FAM53B: variants seen among roughly 807,000 people sequenced by gnomAD.
FAM53B encodes the protein family with sequence similarity 53 member B, also known as protein FAM53B.
A neutral mutation model predicts 32.7 loss-of-function variants in FAM53B; 12 were observed. The ratio of observed to expected loss-of-function variants is 0.37; its 90% CI spans 0.24 to 0.59. FAM53B has a LOEUF of 0.59. Among genes scored for constraint, FAM53B ranks in the 20% least tolerant of loss-of-function variants. FAM53B has a pLI of 0.72. For synonymous variants in FAM53B, 234 were observed against 228.7 expected (o/e 1.02, Z -0.21); for missense variants, 477 against 577.7 (o/e 0.83, Z 1.79).
chr10:124,710,641 G>A (rs1949995438), intron 1 of FAM53B, among the ~76,000 whole-genome samples: 1 of 152,216 alleles, frequency 6.6e-6, no homozygotes, highest in Non-Finnish European at 1.5e-5. Flanking sequence ...TGGAAGCCTC[G>A]CAAAGCCCTC....
intron 4 of FAM53B, among the ~76,000 whole-genome samples, chr10:124,674,701 T>C (rs139115691): frequency 3.3e-5 from 5 of 152,254 alleles, no homozygotes; most frequent in African/African-American, 1.2e-4. Flanking sequence ...CCCACAAGCC[T>C]TTCTTACTCT....
chr10:124,661,923 G>A (rs1053827470), intron 4 of FAM53B, among the ~76,000 whole-genome samples: 3 of 152,220 alleles, frequency 2.0e-5, no homozygotes, highest in Admixed American at 6.5e-5. Flanking sequence ...TGAGATCCCT[G>A]CTGCCATCCC....
chr10:124,631,020 G>GC (rs1949387386), intron 4 of FAM53B, among the ~76,000 whole-genome samples: 1 of 152,216 alleles, frequency 6.6e-6, no homozygotes, highest in African/African-American at 2.4e-5. Context: ...CCCAGGTGGT[G>GC]CCAGAGCCAG....
At chr10:124,648,619 T>C (rs970111416) in intron 4 of FAM53B, among the ~76,000 whole-genome samples, 14 of 152,270 alleles carry the variant, frequency 9.2e-5, no homozygotes, top group Non-Finnish European at 1.8e-4. Context: ...CCCTCCACCA[T>C]GCCCTCACAA....
chr10:124,697,280 G>C (rs535063698), intron 2 of FAM53B, among the ~76,000 whole-genome samples: 1 of 152,156 alleles, frequency 6.6e-6, no homozygotes, highest in Non-Finnish European at 1.5e-5. Context: ...GCCTGTCACA[G>C]AAGGCTCTGA....
At chr10:124,709,255 G>A (rs961790551) in intron 1 of FAM53B, among the ~76,000 whole-genome samples, 43 of 152,356 alleles carry the variant, frequency 2.8e-4, no homozygotes, top group African/African-American at 1.0e-3. Context: ...CCAGTAGAAT[G>A]AAACTGTGGA....
chr10:124,727,634 C>A (rs990831928), intron 1 of FAM53B, among the ~76,000 whole-genome samples: 1 of 152,028 alleles, frequency 6.6e-6, no homozygotes, highest in Non-Finnish European at 1.5e-5. Flanking sequence ...ACCTGGAGAG[C>A]CAGAAAATCT....
intron 4 of FAM53B, chr10:124,623,979 CA>C (rs1949329424): frequency 9.7e-6 from 2 of 206,514 alleles, no homozygotes; most frequent in African/African-American, 4.6e-5. Flanking sequence ...CAGGTAATTT[CA>C]CTACTTGGAT....
intron 4 of FAM53B, among the ~76,000 whole-genome samples, chr10:124,652,504 G>A (rs1209016197): frequency 6.6e-6 from 1 of 152,166 alleles, no homozygotes; most frequent in Non-Finnish European, 1.5e-5. Flanking sequence ...CACCCACGGT[G>A]ATAACCCTGG....
At chr10:124,711,675 C>A (rs1025467575) in intron 1 of FAM53B, among the ~76,000 whole-genome samples, 1 of 152,064 alleles carries the variant, frequency 6.6e-6, no homozygotes, top group Admixed American at 6.5e-5. Context: ...ACCGTGTGCG[C>A]GGGAAGGGGA....
intron 1 of FAM53B, among the ~76,000 whole-genome samples, chr10:124,709,655 CA>C (rs1949986593): frequency 6.6e-6 from 1 of 152,128 alleles, no homozygotes; most frequent in Non-Finnish European, 1.5e-5. Flanking sequence ...ACAAGCAGGG[CA>C]AACTGGTTAA....
intron 4 of FAM53B, among the ~76,000 whole-genome samples, chr10:124,673,099 G>A (rs961832146): frequency 3.3e-5 from 5 of 152,082 alleles, no homozygotes; most frequent in African/African-American, 7.2e-5. Flanking sequence ...CTTTCACCTC[G>A]AGAACATTTC....
chr10:124,739,483 C>G (rs1476681032), intron 1 of FAM53B, among the ~76,000 whole-genome samples: 3 of 152,338 alleles, frequency 2.0e-5, no homozygotes, highest in South Asian at 2.1e-4. Context: ...GGGGAAGAAT[C>G]TGTTTCTTTG....
chr10:124,646,217 T>A (rs1949512419), intron 4 of FAM53B, among the ~76,000 whole-genome samples: 1 of 152,208 alleles, frequency 6.6e-6, no homozygotes, highest in Non-Finnish European at 1.5e-5. Context: ...CCCATGTCAC[T>A]CCACATCACA....
At chr10:124,690,948 G>A (rs945818944) in intron 3 of FAM53B, among the ~76,000 whole-genome samples, 1 of 152,122 alleles carries the variant, frequency 6.6e-6, no homozygotes, top group Non-Finnish European at 1.5e-5. Context: ...AGAAAAAGTG[G>A]CAGAGACCAA....
chr10:124,729,944 T>C (rs575712828), intron 1 of FAM53B, among the ~76,000 whole-genome samples: 73 of 152,334 alleles, frequency 4.8e-4, no homozygotes, highest in African/African-American at 1.7e-3. Flanking sequence ...AGAGCATTTA[T>C]GGACCAAGCA....
chr10:124,739,167 TGA>T (rs1950187293), intron 1 of FAM53B, among the ~76,000 whole-genome samples: 8 of 152,156 alleles, frequency 5.3e-5, no homozygotes, highest in African/African-American at 1.9e-4. Flanking sequence ...ATTTCTGCTT[TGA>T]GATAAAACAG....
chr10:124,692,351 G>T (rs1949838829), intron 3 of FAM53B, among the ~76,000 whole-genome samples: 3 of 152,156 alleles, frequency 2.0e-5, no homozygotes, highest in African/African-American at 7.2e-5. Context: ...CAAGAGTGGG[G>T]AGGGGCCCGG....
intron 4 of FAM53B, among the ~76,000 whole-genome samples, chr10:124,671,816 T>C (rs776446688): frequency 9.9e-5 from 15 of 152,186 alleles, no homozygotes; most frequent in Non-Finnish European, 1.9e-4. Context: ...AAAGGAATTA[T>C]CCAAGAGCTC....
Sources: allele counts gnomAD v4.1 joint callset (sites outside exome capture counted in the v4.1 genomes callset), GRCh38; gene constraint gnomAD v4.1.1; transcripts MANE v1.5; gene names NCBI Gene and HGNC (gene_info 2026-07-23, HGNC 2026-07-21).